C8orf76: variants seen among roughly 807,000 people sequenced by gnomAD.
C8orf76 encodes the protein uncharacterized protein C8orf76.
C8orf76 carries 46 observed loss-of-function variants against 38.1 expected under a neutral mutation model. That is an observed-to-expected ratio of 1.21 (90% CI 0.95 to 1.54). C8orf76 has a LOEUF of 1.54. Among genes scored for constraint, C8orf76 ranks in the 40% most tolerant of loss-of-function variants. The probability of loss-of-function intolerance (pLI) is 0.00; values close to 1 mark genes in which losing one functional copy is unlikely to be tolerated. For synonymous variants in C8orf76, 166 were observed against 167.5 expected, an observed-to-expected ratio of 0.99 and a Z score of 0.07; for missense variants, 461 against 441.6, an observed-to-expected ratio of 1.04 and a Z score of -0.39.
chr8:123,241,090 G>C, intron 1 of C8orf76, 140 bp downstream of exon 1: 1 of 808,272 alleles, frequency 1.2e-6, no homozygotes, highest in Non-Finnish European at 1.8e-6. Context: ...GGAGGAGGAG[G>C]GACGGCGGGG....
intron 4 of C8orf76, among the ~76,000 whole-genome samples, chr8:123,229,041 TC>T (rs1389907829): frequency 2.0e-5 from 3 of 152,196 alleles, no homozygotes; most frequent in African/African-American, 7.2e-5. Flanking sequence ...ACTTCCTACT[TC>T]CTCTGCCACC....
chr8:123,237,114 T>C (rs942028997), intron 3 of C8orf76: 26 of 975,566 alleles, frequency 2.7e-5, no homozygotes, highest in Non-Finnish European at 3.8e-5. Flanking sequence ...TACAACAAGA[T>C]GATCTGCCGC....
Position 123,231,408 on chromosome 8 carries a change from TG to T in C8orf76, c.706del (p.Gln236ArgfsTer7). On this transcript the variant is annotated frameshift_variant, in exon 4 of 6. Coordinates refer to ENST00000276704, the MANE Select transcript of C8orf76 (RefSeq NM_032847.3). LOFTEE classifies it high-confidence loss of function. ...ATTTGTCAGAGCTTTCTCATTTTTCTGGCTATTACTGCTATTCGCTTCCACA... is the reference window on the plus strand; with the variant it reads ...ATTTGTCAGAGCTTTCTCATTTTTCTGCTATTACTGCTATTCGCTTCCACA... ...FSVEANSSNS[Q>X]KNEKALTNIQ... 6.2e-7 allele frequency: 1 copy of T among 1,614,256 alleles called. No individual in the cohort carries two copies. Among genetic ancestry groups the T allele is most frequent in the Non-Finnish European group, 8.5e-7 (1 of 1,180,058 alleles).
chr8:123,226,599 T>C lies in C8orf76; in HGVS notation c.849A>G (p.Thr283=), dbSNP rs757641387. The part of the protein sequence containing the change: ...LLLQFTQPQQ[T]SFALERNLRT... ...TTAAGTTCCTCTCCAAAGCAAACGA[T>C]GTTTGCTGAGGTTGGGTAAACTGAA... Residue 283 remains threonine, a synonymous_variant, in exon 5 of 6, where the codon ACA becomes ACG. Coordinates refer to ENST00000276704, the MANE Select transcript of C8orf76 (RefSeq NM_032847.3). 4.5e-5 allele frequency: 73 copies of C among 1,607,918 alleles called. No homozygotes were observed. The highest frequency in any genetic ancestry group is 5.8e-5 in the Non-Finnish European group (68 of 1,178,630).
At chr8:123,232,146 C>T (rs1247613318) in intron 3 of C8orf76, among the ~76,000 whole-genome samples, 1 of 152,192 alleles carries the variant, frequency 6.6e-6, no homozygotes, top group Non-Finnish European at 1.5e-5. Context: ...CTAATGATTC[C>T]ATTGTAATAT....
At chr8:123,227,799 C>T (rs1355983699) in intron 4 of C8orf76, among the ~76,000 whole-genome samples, 1 of 152,084 alleles carries the variant, frequency 6.6e-6, no homozygotes, top group Non-Finnish European at 1.5e-5. Context: ...GCGGAATTGA[C>T]GTAAGTGCAA....
At position 123,239,061 on chromosome 8, in the gene C8orf76, T is replaced by C. The variant is rs898171508; in HGVS notation, c.201A>G (p.Arg67=). ...TGTTGAATTCTACCTGATACTCTTG[T>C]CGTCTGTAGGCCAGGTCTCCTTTGA... is the stretch of plus-strand genomic sequence containing the variant. ...KKFKGDLAYR[R]QEYQKALQEY... is the part of the protein sequence containing the mutation. The change falls in exon 2 of 6, where the codon CGA becomes CGG. Residue 67 remains arginine (R), a synonymous_variant. Transcript: ENST00000276704. 3.1e-6 allele frequency: 5 copies of C among 1,614,112 alleles called. No individual in the cohort carries two copies. The highest frequency in any genetic ancestry group is 3.4e-6 in the Non-Finnish European group (4 of 1,179,982).
rs766554818 is a variant in C8orf76 at position 123,241,257 on chromosome 8, G to C, written c.90C>G (p.Ser30=). Residue 30 remains serine (S), a synonymous_variant, in exon 1 of 6, where the codon TCC becomes TCG. Coordinates refer to ENST00000276704, the MANE Select transcript of C8orf76 (RefSeq NM_032847.3). ...GCGGCTCGCAGAGCTTGGCGCAGTA[G>C]GACGCGGGCGGTCCTGACCGCCGCT... is the stretch of plus-strand genomic sequence containing the variant. ...RPERRSGPPA[S]YCAKLCEPQW... The C allele has an allele frequency of 6.3e-7, 1 of 1,590,068 alleles. No individual in the cohort carries two copies. Among genetic ancestry groups the C allele is most frequent in the East Asian group, 2.4e-5 (1 of 41,918 alleles).
intron 2 of C8orf76, 155 bp downstream of exon 2, chr8:123,238,894 A>G: frequency 5.8e-6 from 4 of 687,296 alleles, no homozygotes; most frequent in Non-Finnish European, 9.5e-6. Flanking sequence ...CAAGCAGAAA[A>G]GAACGGAAAC....
At chr8:123,230,655 CTTTTT>C (rs1171156477) in intron 4 of C8orf76, among the ~76,000 whole-genome samples, 1 of 140,208 alleles carries the variant, frequency 7.1e-6, no homozygotes, top group Non-Finnish European at 1.6e-5. Context: ...CTGGTCAACT[CTTTTT>C]TTTTTTTTTG....
chr8:123,236,797 AAG>A, intron 3 of C8orf76: 2 of 574,142 alleles, frequency 3.5e-6, no homozygotes, highest in Admixed American at 3.0e-5. Flanking sequence ...AAAAAAAAAA[AAG>A]AAAGAAAAAT....
chr8:123,236,986 G>A, intron 3 of C8orf76: 1 of 1,547,724 alleles, frequency 6.5e-7, no homozygotes. Context: ...AACAGCTGGA[G>A]GATGGCCGCA....
At chr8:123,230,275 T>G (rs1314863366) in intron 4 of C8orf76, among the ~76,000 whole-genome samples, 2 of 152,238 alleles carry the variant, frequency 1.3e-5, no homozygotes, top group Admixed American at 1.3e-4. Context: ...GGGAATTCTC[T>G]GTAGAATGAA....
At chr8:123,235,925 T>C (rs1003028847) in intron 3 of C8orf76, among the ~76,000 whole-genome samples, 1 of 152,198 alleles carries the variant, frequency 6.6e-6, no homozygotes, top group Non-Finnish European at 1.5e-5. Flanking sequence ...CCAAGAGCAC[T>C]GTTAATTTGC....
intron 5 of C8orf76, among the ~76,000 whole-genome samples, chr8:123,222,189 G>A (rs1045871325): frequency 6.6e-6 from 1 of 151,984 alleles, no homozygotes; most frequent in Non-Finnish European, 1.5e-5. Context: ...GGGTTTCACC[G>A]TGTTACCCAG....
intron 5 of C8orf76, among the ~76,000 whole-genome samples, chr8:123,220,696 C>A (rs1034166895): frequency 2.0e-5 from 3 of 152,164 alleles, no homozygotes; most frequent in Non-Finnish European, 4.4e-5. Flanking sequence ...GCTGGGCCCA[C>A]CTTTTCCTGA....
chr8:123,241,147 G>C (rs953130653), intron 1 of C8orf76, 83 bp downstream of exon 1: 49 of 1,373,016 alleles, frequency 3.6e-5, no homozygotes, highest in Admixed American at 6.3e-5. Flanking sequence ...TCGCGCGGAC[G>C]GAGGGGCCGA....
At chr8:123,233,209 G>T (rs1271844524) in intron 3 of C8orf76, among the ~76,000 whole-genome samples, 1 of 151,892 alleles carries the variant, frequency 6.6e-6, no homozygotes, top group African/African-American at 2.4e-5. Context: ...AGTAAAGACA[G>T]GGTTTTGCCA....
intron 5 of C8orf76, chr8:123,226,073 C>A: frequency 8.4e-6 from 7 of 835,934 alleles, no homozygotes; most frequent in Non-Finnish European, 1.0e-5. Flanking sequence ...CCAGCTCTCC[C>A]ACTGAAAATC....
Sources: allele counts gnomAD v4.1 joint callset (sites outside exome capture counted in the v4.1 genomes callset), GRCh38; gene constraint gnomAD v4.1.1; transcripts MANE v1.5; gene names NCBI Gene and HGNC (gene_info 2026-07-23, HGNC 2026-07-21).